Variants in NPAS3 observed in about 807,000 individuals in gnomAD.
NPAS3 encodes the protein neuronal PAS domain-containing protein 3.
A neutral mutation model predicts 73.1 loss-of-function variants in NPAS3; 14 were observed. The observed-to-expected ratio is 0.19, with a 90% CI of 0.13 to 0.30. The LOEUF (loss-of-function observed/expected upper bound fraction) is 0.30. Among genes scored for constraint, NPAS3 ranks in the 10% least tolerant of loss-of-function variants. NPAS3 has a pLI of 1.00. For synonymous variants in NPAS3, 620 were observed against 541.5 expected, an observed-to-expected ratio of 1.14 and a Z score of -2.01; for missense variants, 1,096 against 1,250.0, an observed-to-expected ratio of 0.88 and a Z score of 1.86.
At chr14:33,145,525 G>A (rs1259959499) in intron 2 of NPAS3, among the ~76,000 whole-genome samples, 2 of 151,986 alleles carry the variant, frequency 1.3e-5, no homozygotes, top group Non-Finnish European at 2.9e-5. Flanking sequence ...CTCCCGTCGT[G>A]ATAGGTGTCA....
intron 3 of NPAS3, among the ~76,000 whole-genome samples, chr14:33,227,657 C>T (rs7150484): frequency 0.025 from 3,730 of 152,214 alleles, 141 homozygotes; most frequent in African/African-American, 0.084. Context: ...AGGGTTCCGC[C>T]CTCTGTGACA....
At chr14:33,409,413 G>A (rs976017614) in intron 4 of NPAS3, among the ~76,000 whole-genome samples, 2 of 152,050 alleles carry the variant, frequency 1.3e-5, no homozygotes, top group Non-Finnish European at 2.9e-5. Flanking sequence ...ATGTGTTTTA[G>A]GATGAAGAGA....
chr14:33,041,783 T>C (rs2040355266), intron 1 of NPAS3, among the ~76,000 whole-genome samples: 1 of 152,028 alleles, frequency 6.6e-6, no homozygotes, highest in Non-Finnish European at 1.5e-5. Flanking sequence ...AGGGAGGAAA[T>C]GTAACCATGT....
chr14:33,253,423 C>T (rs550646139), intron 3 of NPAS3, among the ~76,000 whole-genome samples: 4 of 152,124 alleles, frequency 2.6e-5, no homozygotes, highest in South Asian at 2.1e-4. Flanking sequence ...TTTTATTTAG[C>T]ACACGTCAGT....
At chr14:33,079,970 C>G (rs1465407468) in intron 2 of NPAS3, among the ~76,000 whole-genome samples, 1 of 151,922 alleles carries the variant, frequency 6.6e-6, no homozygotes, top group Non-Finnish European at 1.5e-5. Flanking sequence ...GTGCATAGTA[C>G]TGTTGGGCAA....
At chr14:33,297,714 C>T (rs2042359203) in intron 3 of NPAS3, among the ~76,000 whole-genome samples, 1 of 152,188 alleles carries the variant, frequency 6.6e-6, no homozygotes, top group Non-Finnish European at 1.5e-5. Flanking sequence ...AGAATCCTTT[C>T]CTTTCATTAG....
chr14:33,377,947 C>T (rs1325146261), intron 4 of NPAS3, among the ~76,000 whole-genome samples: 1 of 152,186 alleles, frequency 6.6e-6, no homozygotes. Context: ...ATGATTTTGC[C>T]TCTCAGCATT....
At chr14:33,065,155 C>T (rs759637406) in intron 2 of NPAS3, among the ~76,000 whole-genome samples, 4 of 152,110 alleles carry the variant, frequency 2.6e-5, no homozygotes, top group African/African-American at 4.8e-5. Flanking sequence ...CAAATCTTTC[C>T]GTACCACCTT....
At chr14:33,111,773 T>C (rs1160653031) in intron 2 of NPAS3, among the ~76,000 whole-genome samples, 1 of 151,926 alleles carries the variant, frequency 6.6e-6, no homozygotes, top group Non-Finnish European at 1.5e-5. Flanking sequence ...TAACTCATCA[T>C]TTACATTAGG....
chr14:33,368,516 G>A (rs948548965), intron 4 of NPAS3, among the ~76,000 whole-genome samples: 1 of 152,086 alleles, frequency 6.6e-6, no homozygotes, highest in African/African-American at 2.4e-5. Context: ...TAATTTGGAT[G>A]TTCCATCAGG....
At chr14:33,613,721 T>G (rs894704874) in intron 5 of NPAS3, among the ~76,000 whole-genome samples, 6 of 152,198 alleles carry the variant, frequency 3.9e-5, no homozygotes, top group Admixed American at 3.9e-4. Context: ...CCTAACCCCC[T>G]GAGGCAGAAC....
At chr14:33,056,128 ACAAAC>A (rs2040880094) in intron 2 of NPAS3, 134 bp downstream of exon 2, 1 of 541,306 alleles carries the variant, frequency 1.8e-6, no homozygotes, top group Non-Finnish European at 3.3e-6. Context: ...AAACAAAAAA[ACAAAC>A]CAACAAACCA....
chr14:33,633,623 G>C lies in NPAS3; in HGVS notation c.559-42588G>C, dbSNP rs144485146. Among the ~76,000 whole-genome samples, 370 of 152,238 alleles carry C rather than the reference G, an allele frequency of 2.4e-3. 3 individuals carry two copies. Among genetic ancestry groups the C allele is most frequent in the African/African-American group, 8.5e-3 (354 of 41,536 alleles). On this transcript the variant is annotated intron_variant, in intron 5 of 11. Coordinates refer to ENST00000356141, the Ensembl canonical transcript of NPAS3. ...ATTTGTGTATCTAAACATAGAAAAGGCATAGTAAAAATACAGTATTATAAT... is the reference window on the plus strand; with the variant it reads ...ATTTGTGTATCTAAACATAGAAAAGCCATAGTAAAAATACAGTATTATAAT...
intron 9 of NPAS3, among the ~76,000 whole-genome samples, chr14:33,788,191 C>G (rs1486024444): frequency 6.6e-6 from 1 of 152,178 alleles, no homozygotes; most frequent in Non-Finnish European, 1.5e-5. Context: ...CTTACACACA[C>G]AGATACACAC....
At chr14:33,431,888 C>A (rs2048799602) in intron 4 of NPAS3, among the ~76,000 whole-genome samples, 1 of 152,118 alleles carries the variant, frequency 6.6e-6, no homozygotes, top group Admixed American at 6.5e-5. Context: ...ACAGCCTAGC[C>A]TTCCCATTTT....
chr14:33,478,426 A>G (rs1184712396), intron 4 of NPAS3, among the ~76,000 whole-genome samples: 2 of 152,202 alleles, frequency 1.3e-5, no homozygotes, highest in Non-Finnish European at 2.9e-5. Flanking sequence ...ACAACCAACC[A>G]TTCTTAGTCC....
chr14:33,295,421 A>G (rs1016573415), intron 3 of NPAS3, among the ~76,000 whole-genome samples: 10 of 152,196 alleles, frequency 6.6e-5, no homozygotes, highest in Admixed American at 2.6e-4. Flanking sequence ...TTTCATTTCT[A>G]TCTAGCTCCA....
At chr14:33,200,315 T>G (rs1432266282) in intron 2 of NPAS3, among the ~76,000 whole-genome samples, 1 of 152,100 alleles carries the variant, frequency 6.6e-6, no homozygotes, top group East Asian at 1.9e-4. Context: ...CATAAAATAG[T>G]AAGTTTAACT....
chr14:33,004,572 C>T (rs772135631), intron 1 of NPAS3, among the ~76,000 whole-genome samples: 2 of 152,036 alleles, frequency 1.3e-5, no homozygotes, highest in African/African-American at 4.8e-5. Context: ...CATTATTGTA[C>T]ATTACTCCAG....
Sources: gnomAD v4.1 joint callset for allele counts (sites outside exome capture counted in the v4.1 genomes callset) on GRCh38, gnomAD v4.1.1 for gene constraint, MANE v1.5 for transcripts, NCBI Gene and HGNC (gene_info 2026-07-23, HGNC 2026-07-21) for gene names.